The following RYR1 variants were observed in gnomAD, a reference collection of about 807,000 sequenced individuals.
RYR1 encodes the protein central core disease of muscle.
In RYR1, 342 loss-of-function variants were observed where a neutral mutation model predicts 583.5. The observed-to-expected ratio is 0.59, with a 90% confidence interval of 0.54 to 0.64. The LOEUF (loss-of-function observed/expected upper bound fraction) is 0.64, where lower values mean the gene tolerates loss of function less well. RYR1 is among the 30% of genes least tolerant of loss of function. The pLI, the probability that RYR1 is intolerant of heterozygous loss-of-function variation, is 0.00. For synonymous variants in RYR1, 2,791 were observed against 2,822.5 expected (o/e 0.99, Z 0.35); for missense variants, 6,032 against 6,917.2 (o/e 0.87, Z 4.54).
intron 71 of RYR1, 136 bp downstream of exon 71, chr19:38,525,638 A>G (rs543112993): frequency 3.1e-6 from 3 of 977,918 alleles, no homozygotes; most frequent in Non-Finnish European, 4.7e-6. Context: ...GACCCCACTG[A>G]GTTCTTTTCC....
intron 2 of RYR1, 118 bp downstream of exon 2, chr19:38,440,982 A>G: frequency 1.4e-6 from 1 of 712,776 alleles, no homozygotes; most frequent in Non-Finnish European, 1.8e-6. Context: ...AGAGAAAGTG[A>G]GGAGGGGGGC....
Position 38,433,712 on chromosome 19 carries a change from G to A in RYR1, c.-118G>A, listed in dbSNP as rs1972297039. ...CCTCGCAGTTCCATCTACCTCGCGG[G>A]TGCCTCTGGTGTCTCCAGAGGTCTC... On this transcript the variant is annotated 5_prime_UTR_variant, in exon 1 of 106. It adds an upstream start codon to the 5' untranslated region. Transcript: ENST00000359596. 9 of 779,382 alleles carry A rather than the reference G, an allele frequency of 1.2e-5. No individual in the cohort carries two copies. The highest frequency in any genetic ancestry group is 2.0e-5 in the Admixed American group (1 of 50,500). 48.3% of individuals were successfully genotyped at this position (779,382 alleles called of 1,614,324 possible).
chr19:38,469,184 T>C, intron 26 of RYR1, 44 bp downstream of exon 26: 1 of 1,612,478 alleles, frequency 6.2e-7, no homozygotes, highest in Non-Finnish European at 8.5e-7. Context: ...TGTTTTCCTC[T>C]GTCTCTCCCA....
Position 38,567,101 on chromosome 19 carries a change from C to T in RYR1, c.13514+114C>T, listed in dbSNP as rs1309064918. On this transcript the variant is annotated intron_variant, in intron 92 of 105. Coordinates refer to ENST00000359596, the MANE Select transcript of RYR1 (RefSeq NM_000540.3). Reference sequence around the variant, plus strand: ...CCTGGCCACCCTGTGTCCTCGGCATCACCCAGCCCAGACTCAGGCACGGAG... The same window carrying T: ...CCTGGCCACCCTGTGTCCTCGGCATTACCCAGCCCAGACTCAGGCACGGAG... 6 of 1,514,400 alleles carry T rather than the reference C, an allele frequency of 4.0e-6. No homozygotes were observed. The African/African-American group carries it at 8.3e-5, about 21-fold the overall frequency. 93.8% of individuals were successfully genotyped at this position (1,514,400 alleles called of 1,614,324 possible). A position where few individuals can be genotyped will look rare whatever the true frequency, so the allele number is the denominator to read the frequency against.
rs193922855 is a variant in RYR1, at chr19:38,565,218, C to T, written c.12884C>T (p.Ala4295Val). ...GCCACGGCGGCGGCGGGGGCGACGG[C>T]GCGGGTTGTGGCGGCCGCAGGCCGG... ...TAATAAAGAT[A>V]RVVAAAGRAL... Residue 4295 changes from alanine to valine, a missense_variant, in exon 91 of 106, where the codon GCG (alanine) becomes GTG (valine). By Grantham distance (64) the Ala-to-Val change is moderately conservative (BLOSUM62 0). Transcript: ENST00000359596. This position sits in a 1 kb window ranked among gnomAD's most constrained non-coding sequence, Gnocchi z 4.7. 3,164 of 991,822 alleles carry T rather than the reference C, an allele frequency of 3.2e-3. 6 individuals are homozygous for T. Among genetic ancestry groups the T allele is most frequent in the Non-Finnish European group, 3.6e-3 (2,978 of 836,238 alleles). The allele number at this position is 991,822 out of a possible 1,614,324, so 61.4% of individuals were successfully genotyped here. A position where few individuals can be genotyped will look rare whatever the true frequency, so the allele number is the denominator to read the frequency against.
intron 27 of RYR1, among the ~76,000 whole-genome samples, chr19:38,471,122 C>T (rs1968398604): frequency 6.6e-6 from 1 of 152,232 alleles, no homozygotes; most frequent in Non-Finnish European, 1.5e-5. Context: ...CAGAGCGGAT[C>T]TGTGGTGTGC....
At chr19:38,562,748 T>C (rs769166592) in intron 90 of RYR1, among the ~76,000 whole-genome samples, 10 of 152,114 alleles carry the variant, frequency 6.6e-5, no homozygotes. Flanking sequence ...CCCAGGCCCT[T>C]GCACACCTGC....
chr19:38,461,019 T>C (rs1967708347), intron 20 of RYR1, among the ~76,000 whole-genome samples: 1 of 151,942 alleles, frequency 6.6e-6, no homozygotes, highest in South Asian at 2.1e-4. Context: ...AAAATTAGCA[T>C]GGTGGCAGGT....
In RYR1 at chr19:38,519,146, C is replaced by T. The variant is rs925899105; in HGVS notation, c.10019-68C>T. ...TTGGAGATGCTGTTTGGGAGTCGGG[C>T]TGGGAACGGAGTTTGGGGCCTGTGT... On this transcript the variant is annotated intron_variant, in intron 66 of 105. Transcript: ENST00000359596. 28 of 1,612,128 alleles carry T rather than the reference C, an allele frequency of 1.7e-5. 1 individual carries two copies. The African/African-American group carries it at 3.3e-4, about 19-fold the overall frequency.
At chr19:38,571,524 C>T (rs970856013) in intron 94 of RYR1, among the ~76,000 whole-genome samples, 2 of 152,066 alleles carry the variant, frequency 1.3e-5, no homozygotes, top group African/African-American at 2.4e-5. Context: ...GTAATCCAAG[C>T]TATGCAGGAG....
At position 38,580,112 on chromosome 19, in the gene RYR1, C is replaced by G; in HGVS notation, c.14495C>G (p.Thr4832Ser). Residue 4832 changes from threonine (T) to serine (S), a missense_variant, in exon 100 of 106, where the codon ACC becomes AGC. Physicochemically the swap from Thr to Ser is moderately conservative, Grantham distance 58. This residue lies in a region of RYR1 where 189 missense variants were observed against 350.3 expected (regional missense o/e 0.54). Transcript: ENST00000359596. ...CTGCGCACCATCCTGTCCTCTGTCACCCACAATGGGAAACAGGTGTGGGGA... is the reference window on the plus strand; with the variant it reads ...CTGCGCACCATCCTGTCCTCTGTCAGCCACAATGGGAAACAGGTGTGGGGA... ...KTLRTILSSVTHNGKQLVMTV... is the reference protein window; with the variant it reads ...KTLRTILSSVSHNGKQLVMTV... 1 of 1,614,192 alleles carries G rather than the reference C, an allele frequency of 6.2e-7. No individual in the cohort carries two copies. Among genetic ancestry groups the G allele is most frequent in the South Asian group, 1.1e-5 (1 of 91,088 alleles).
At chr19:38,448,621 G>A (rs1193360597) in intron 10 of RYR1, 28 bp from the exon 11 acceptor site, 1 of 1,614,194 alleles carries the variant, frequency 6.2e-7, no homozygotes, top group Non-Finnish European at 8.5e-7. Context: ...AGGCAGAGGA[G>A]GCTGACCTGT....
chr19:38,452,788 G>A, intron 12 of RYR1, 31 bp from the exon 13 acceptor site: 1 of 1,549,540 alleles, frequency 6.5e-7, no homozygotes. Context: ...AGCGCTCCCA[G>A]CCGTGGCTGA....
chr19:38,561,431 C>T lies in RYR1; in HGVS notation c.12601C>T (p.Arg4201Cys), dbSNP rs1568576431. Reference sequence around the variant, plus strand: ...CTACTTCGAGATCTCAGAGACCAACCGCGCCCAGTGGGAGATGCCCCAGGT... The same window carrying T: ...CTACTTCGAGATCTCAGAGACCAACTGCGCCCAGTGGGAGATGCCCCAGGT... ...RIYFEISETNRAQWEMPQVKE... is the reference protein window; with the variant it reads ...RIYFEISETNCAQWEMPQVKE... The change falls in exon 90 of 106, where the codon CGC becomes TGC. Residue 4201 changes from arginine (R) to cysteine (C), a missense_variant. Arg to Cys is a radical substitution (Grantham distance 180). Around this residue, in one of 11 missense-constraint regions of RYR1, gnomAD observed 753 missense variants for 759.6 expected, o/e 0.99. Transcript: ENST00000359596. This position sits in a 1 kb window ranked among gnomAD's most constrained non-coding sequence, Gnocchi z 4.8. 1 of 1,610,022 alleles carries T rather than the reference C, an allele frequency of 6.2e-7. No individual in the cohort carries two copies. The highest frequency in any genetic ancestry group is 8.5e-7 in the Non-Finnish European group (1 of 1,179,240).
In RYR1 at chr19:38,535,130, A is replaced by C; in HGVS notation, c.11360-11A>C. The C allele has an allele frequency of 6.2e-7, 1 of 1,611,968 alleles. No homozygotes were observed. The highest frequency in any genetic ancestry group is 8.5e-7 in the Non-Finnish European group (1 of 1,179,720). ...CTGGGTGGACCATCTTTTTTCTCCC[A>C]CTCCCTCCAGGAGAGACAGGTGCCA... On this transcript the variant is annotated splice_polypyrimidine_tract_variant and intron_variant, in intron 79 of 105. Coordinates refer to ENST00000359596, the MANE Select transcript of RYR1 (RefSeq NM_000540.3).
At chr19:38,581,958 G>A (rs2145902508) in intron 101 of RYR1, among the ~76,000 whole-genome samples, 1 of 152,266 alleles carries the variant, frequency 6.6e-6, no homozygotes, top group Middle Eastern at 3.4e-3. Context: ...CAGGGAGCGT[G>A]CCCCTGCCAC....
At chr19:38,562,436 C>T (rs1378223185) in intron 90 of RYR1, among the ~76,000 whole-genome samples, 1 of 152,132 alleles carries the variant, frequency 6.6e-6, no homozygotes, top group Non-Finnish European at 1.5e-5. Flanking sequence ...CTCTTGCACA[C>T]ACACTTGCTT....
chr19:38,572,120 C>G lies in RYR1; in HGVS notation c.13848C>G (p.Ala4616=). 1 of 1,614,082 alleles carries G rather than the reference C, an allele frequency of 6.2e-7. No homozygotes were observed. Residue 4616 remains alanine, a synonymous_variant, in exon 95 of 106, where the codon GCC becomes GCG. Transcript: ENST00000359596. ...GCAGCTCTGGCTGGGGCTTGGGGGC[C>G]GGAGAGGAGGCAGAGGGCGATGAGG... ...SGGSSGWGLG[A]GEEAEGDEDE... is the part of the protein sequence containing the mutation.
Position 38,512,622 on chromosome 19 carries a change from C to T in RYR1, c.9472+139C>T. 1 of 846,510 alleles carries T rather than the reference C, an allele frequency of 1.2e-6. No individual in the cohort carries two copies. The highest frequency in any genetic ancestry group is 1.9e-6 in the Non-Finnish European group (1 of 514,968). 52.4% of individuals were successfully genotyped at this position (846,510 alleles called of 1,614,324 possible). ...GCAAAGCATGCAGTCAGTACCTTGG[C>T]AGGTGGCAAATGAGTTAATGAGGAC... On this transcript the variant is annotated intron_variant, in intron 63 of 105. Coordinates refer to ENST00000359596, the MANE Select transcript of RYR1 (RefSeq NM_000540.3). The surrounding 1 kb of genome is among the most constrained non-coding windows in gnomAD (Gnocchi z 5.1).
Sources: allele counts gnomAD v4.1 joint callset (sites outside exome capture counted in the v4.1 genomes callset), GRCh38; gene constraint gnomAD v4.1.1; regional missense constraint gnomAD v4.1.1; non-coding constraint Gnocchi (gnomAD v3.1); transcripts MANE v1.5; gene names NCBI Gene and HGNC (gene_info 2026-07-23, HGNC 2026-07-21).